Variants in CD300LF observed in about 807,000 individuals in gnomAD.
CD300LF encodes the protein CD300 molecule like family member f, also known as CMRF35-like molecule 1.
A neutral mutation model predicts 32.2 loss-of-function variants in CD300LF; 27 were observed. The observed-to-expected ratio is 0.84, with a 90% CI of 0.62 to 1.15. CD300LF has a LOEUF of 1.15. Ranked by LOEUF, CD300LF falls within the 50% of genes most tolerant of loss-of-function variation. The pLI, the probability that CD300LF is intolerant of heterozygous loss-of-function variation, is 0.00. For missense variants in CD300LF, 348 were observed against 356.8 expected, an observed-to-expected ratio of 0.98 and a Z score of 0.20; for synonymous variants, 139 against 143.2, an observed-to-expected ratio of 0.97 and a Z score of 0.21.
rs2032396269 is a variant in CD300LF at position 74,695,763 on chromosome 17, C to T, written c.679G>A (p.Ala227Thr). 1 of 1,614,058 alleles carries T rather than the reference C, an allele frequency of 6.2e-7. No homozygotes were observed. The highest frequency in any genetic ancestry group is 8.5e-7 in the Non-Finnish European group (1 of 1,180,042). Reference sequence around the variant, plus strand: ...TCCACTTCCACCTGGTCAACCTGGGCAGAGGAAAGCTTCGTGGTAGCCTTT... The same window carrying T: ...TCCACTTCCACCTGGTCAACCTGGGTAGAGGAAAGCTTCGTGGTAGCCTTT... ...PQKATTKLSS[A>T]QVDQVEVEYV... Residue 227 changes from alanine to threonine, a missense_variant, in exon 6 of 7, where the codon GCC becomes ACC. By Grantham distance (58) the Ala-to-Thr change is moderately conservative. Coordinates refer to ENST00000326165, the MANE Select transcript of CD300LF (RefSeq NM_139018.5).
At chr17:74,701,844 C>T (rs2033076950) in intron 3 of CD300LF, among the ~76,000 whole-genome samples, 1 of 120,656 alleles carries the variant, frequency 8.3e-6, no homozygotes, top group African/African-American at 3.8e-5. Context: ...AGTGAGAATC[C>T]GTCAAAAAAA....
Position 74,695,170 on chromosome 17 carries a change from C to A in CD300LF, c.799G>T (p.Gly267Cys). The A allele has an allele frequency of 6.2e-7, 1 of 1,614,130 alleles. No individual in the cohort carries two copies. Among genetic ancestry groups the A allele is most frequent in the South Asian group, 1.1e-5 (1 of 91,082 alleles). ...CCGGGGAGGTGGCTACTGAGGTGGCCCATGTTGCAGTAGGTCGGTTCCTGA... is the reference window on the plus strand; with the variant it reads ...CCGGGGAGGTGGCTACTGAGGTGGCACATGTTGCAGTAGGTCGGTTCCTGA... ...EDQEPTYCNM[G>C]HLSSHLPGRG... is the part of the protein sequence containing the mutation. The change falls in exon 7 of 7, where the codon GGC becomes TGC. Residue 267 changes from glycine to cysteine, a missense_variant. Coordinates refer to ENST00000326165, the MANE Select transcript of CD300LF (RefSeq NM_139018.5).
chr17:74,700,994 C>T (rs548536705), intron 3 of CD300LF, among the ~76,000 whole-genome samples: 3 of 152,186 alleles, frequency 2.0e-5, no homozygotes, highest in South Asian at 4.1e-4. Flanking sequence ...GGGACGACCA[C>T]GTGAACACAT....
intron 3 of CD300LF, among the ~76,000 whole-genome samples, chr17:74,702,503 T>C (rs760411685): frequency 2.0e-5 from 3 of 152,160 alleles, no homozygotes; most frequent in Non-Finnish European, 2.9e-5. Context: ...TCAGTTGCTC[T>C]AGAGATGTGA....
intron 6 of CD300LF, among the ~76,000 whole-genome samples, 187 bp downstream of exon 6, chr17:74,695,536 CCT>C (rs1321122719): frequency 6.6e-6 from 1 of 152,180 alleles, no homozygotes; most frequent in Admixed American, 6.5e-5. Context: ...TTTGCCAGTC[CCT>C]GTGTCCCCAG....
chr17:74,699,139 G>A (rs2032797241), intron 3 of CD300LF, among the ~76,000 whole-genome samples: 1 of 152,064 alleles, frequency 6.6e-6, no homozygotes, highest in Non-Finnish European at 1.5e-5. Context: ...GGCTGGTCTC[G>A]AACTCCTAAC....
chr17:74,707,097 G>A (rs2033583402), intron 1 of CD300LF, among the ~76,000 whole-genome samples: 1 of 152,092 alleles, frequency 6.6e-6, no homozygotes, highest in Non-Finnish European at 1.5e-5. Context: ...TGGAGAGGAC[G>A]CCAAAAGCAC....
chr17:74,702,749 G>C (rs1232833058), intron 3 of CD300LF, among the ~76,000 whole-genome samples: 2 of 152,196 alleles, frequency 1.3e-5, no homozygotes, highest in African/African-American at 4.8e-5. Flanking sequence ...TGTCCCCAGA[G>C]CTCAGCACGG....
intron 2 of CD300LF, 160 bp from the exon 3 acceptor site, chr17:74,703,258 A>AAGGG: frequency 1.3e-6 from 1 of 755,300 alleles, no homozygotes; most frequent in Non-Finnish European, 2.2e-6. Context: ...CTACTATGGG[A>AAGGG]AGGGGCTGCA....
At chr17:74,709,233 GA>G (rs1203554667) in intron 1 of CD300LF, among the ~76,000 whole-genome samples, 2 of 151,712 alleles carry the variant, frequency 1.3e-5, no homozygotes, top group Non-Finnish European at 2.9e-5. Context: ...AAAAAAAAAG[GA>G]AAAAAGAAAA....
chr17:74,712,680 C>T, intron 1 of CD300LF, 144 bp downstream of exon 1: 1 of 790,308 alleles, frequency 1.3e-6, no homozygotes, highest in South Asian at 1.6e-5. Context: ...AACGGAAATG[C>T]TAGGTGAATG....
At chr17:74,708,968 C>CA (rs1339293102) in intron 1 of CD300LF, among the ~76,000 whole-genome samples, 1 of 149,516 alleles carries the variant, frequency 6.7e-6, no homozygotes, top group African/African-American at 2.5e-5. Context: ...TTTACACCTG[C>CA]AATCCCAGCA....
intron 4 of CD300LF, among the ~76,000 whole-genome samples, chr17:74,696,882 C>T (rs138154120): frequency 4.0e-5 from 6 of 151,606 alleles, no homozygotes; most frequent in African/African-American, 7.3e-5. Context: ...CAAGCTGGGT[C>T]GGCACAGTAG....
chr17:74,705,546 T>G (rs1161343239), intron 1 of CD300LF, among the ~76,000 whole-genome samples: 1 of 152,184 alleles, frequency 6.6e-6, no homozygotes, highest in Non-Finnish European at 1.5e-5. Flanking sequence ...AAAGCAGGTA[T>G]TATAGACAGT....
intron 3 of CD300LF, among the ~76,000 whole-genome samples, chr17:74,701,353 G>A (rs1422353211): frequency 6.6e-6 from 1 of 152,190 alleles, no homozygotes; most frequent in Admixed American, 6.5e-5. Flanking sequence ...ACAGTGACAG[G>A]CTAGAGTGAG....
chr17:74,700,701 G>A (rs559520478), intron 3 of CD300LF, among the ~76,000 whole-genome samples: 14 of 152,010 alleles, frequency 9.2e-5, no homozygotes, highest in African/African-American at 2.9e-4. Flanking sequence ...GCAGTGAGCC[G>A]AGATCCTGCC....
chr17:74,711,906 C>CT lies in CD300LF; in HGVS notation c.43+917dup, dbSNP rs71361629. On this transcript the variant is annotated intron_variant, in intron 1 of 6. Transcript: ENST00000326165. ...TCTTTTTTTTTCTTTTTTCTTTTTT[C>CT]TTTTTTTTTTTTTTTTGAAACAGAG... Among the ~76,000 whole-genome samples, 783 of 123,628 alleles carry CT rather than the reference C, an allele frequency of 6.3e-3. 1 individual carries two copies. Among genetic ancestry groups the CT allele is most frequent in the African/African-American group, 9.4e-3 (311 of 33,162 alleles). The allele number at this position is 123,628 out of a possible 152,430, so 81.1% of individuals were successfully genotyped here. A position where few individuals can be genotyped will look rare whatever the true frequency, so the allele number is the denominator to read the frequency against.
Position 74,695,835 on chromosome 17 carries a change from G to T in CD300LF, c.607C>A (p.Leu203Ile), listed in dbSNP as rs760756706. Residue 203 changes from leucine (L) to isoleucine (I), a missense_variant, in exon 6 of 7, where the codon CTC becomes ATC. By Grantham distance (5) the Leu-to-Ile change is conservative. Coordinates refer to ENST00000326165, the MANE Select transcript of CD300LF (RefSeq NM_139018.5). ...EQVLQPLEGD[L>I]CYADLTLQLA... is the part of the protein sequence containing the mutation. ...TGCAGGGTCAGGTCTGCATAGCAGA[G>T]GTCGCCCTCCAGGGGCTGCAGTACC... 4 of 1,614,028 alleles carry T rather than the reference G, an allele frequency of 2.5e-6. No individual in the cohort carries two copies. Among genetic ancestry groups the T allele is most frequent in the Non-Finnish European group, 3.4e-6 (4 of 1,179,958 alleles).
At chr17:74,712,726 A>G in intron 1 of CD300LF, 98 bp downstream of exon 1, 1 of 1,282,044 alleles carries the variant, frequency 7.8e-7, no homozygotes, top group Non-Finnish European at 1.1e-6. Flanking sequence ...GGCTCATGCC[A>G]TTAAGGACAC....
Sources: gnomAD v4.1 joint callset for allele counts (sites outside exome capture counted in the v4.1 genomes callset) on GRCh38, gnomAD v4.1.1 for gene constraint, MANE v1.5 for transcripts, NCBI Gene and HGNC (gene_info 2026-07-23, HGNC 2026-07-21) for gene names.